The following PXDNL variants were observed in gnomAD, a reference collection of about 807,000 sequenced individuals.
The protein encoded by PXDNL is peroxidasin like, also known as probable oxidoreductase PXDNL.
A neutral mutation model predicts 150.8 loss-of-function variants in PXDNL; 145 were observed. That is an observed-to-expected ratio of 0.96 (90% CI 0.84 to 1.10). The LOEUF is 1.10. PXDNL is among the 50% of genes least tolerant of loss of function. The pLI is 0.00. For synonymous variants in PXDNL, 757 were observed against 725.7 expected, an observed-to-expected ratio of 1.04 and a Z score of -0.69; for missense variants, 2,087 against 1,873.9, an observed-to-expected ratio of 1.11 and a Z score of -2.10.
chr8:51,394,282 A>G (rs1221804755), intron 17 of PXDNL, among the ~76,000 whole-genome samples: 1 of 152,238 alleles, frequency 6.6e-6, no homozygotes, highest in East Asian at 1.9e-4. Context: ...ACGCCAGCCA[A>G]ATATGAAGGA....
intron 2 of PXDNL, among the ~76,000 whole-genome samples, chr8:51,593,824 C>T (rs1383894541): frequency 6.6e-6 from 1 of 152,190 alleles, no homozygotes; most frequent in African/African-American, 2.4e-5. Flanking sequence ...AACCAATCTA[C>T]AGCTTGCATT....
Position 51,660,865 on chromosome 8 carries a change from C to T in PXDNL, c.165-6105G>A, listed in dbSNP as rs544729871. Among the ~76,000 whole-genome samples the T allele has an allele frequency of 3.7e-4, 56 of 152,264 alleles. 1 individual carries two copies. The South Asian group carries it at 0.012, about 32-fold the overall frequency. On this transcript the variant is annotated intron_variant, in intron 1 of 22. Transcript: ENST00000356297. ...ATCAGAGTGAGGGCAGACTCTACTC[C>T]CTGTAGCCAGGCCGTCAGTCACTCC...
chr8:51,568,450 T>C (rs1484743721), intron 3 of PXDNL, among the ~76,000 whole-genome samples: 1 of 151,920 alleles, frequency 6.6e-6, no homozygotes, highest in Non-Finnish European at 1.5e-5. Flanking sequence ...TTTGCTTACA[T>C]GTTTTCTGAG....
rs545741174 is a variant in PXDNL, at chr8:51,646,080, T to C, written c.236+8609A>G. ...TGAACTGTGTTCCCCGAAATGGGTA[T>C]GTTGATGCCCTAACCCCTCACGTGA... On this transcript the variant is annotated intron_variant, in intron 2 of 22. Transcript: ENST00000356297. 2.7e-5 allele frequency among the ~76,000 whole-genome samples: 4 copies of C among 150,346 alleles called. No homozygotes were observed. In the East Asian group the frequency reaches 7.8e-4, roughly 29 times the overall value.
rs975066852 is a variant in PXDNL at position 51,376,771 on chromosome 8, T to C, written c.3558-2040A>G. ...TCTTACTCTGTCCCCCAGGCTGGAG[T>C]GCAGTGGCAGGATCTCAGTTCACTG... On this transcript the variant is annotated intron_variant, in intron 17 of 22. Coordinates refer to ENST00000356297, the MANE Select transcript of PXDNL (RefSeq NM_144651.5). Among the ~76,000 whole-genome samples the C allele has an allele frequency of 2.0e-5, 3 of 151,500 alleles. No homozygotes were observed. The East Asian group carries it at 5.8e-4, about 29-fold the overall frequency.
intron 1 of PXDNL, among the ~76,000 whole-genome samples, chr8:51,783,351 G>A (rs995918139): frequency 2.0e-5 from 3 of 152,154 alleles, no homozygotes; most frequent in East Asian, 1.9e-4. Flanking sequence ...CTGCTGAGTC[G>A]AATAACACGT....
intron 1 of PXDNL, among the ~76,000 whole-genome samples, chr8:51,744,100 A>G (rs2036944011): frequency 1.5e-5 from 2 of 134,752 alleles, no homozygotes; most frequent in African/African-American, 5.7e-5. Context: ...GAAGGAAAGA[A>G]AGAAAGAAAG....
At chr8:51,799,382 G>T (rs2037595608) in intron 1 of PXDNL, among the ~76,000 whole-genome samples, 1 of 151,914 alleles carries the variant, frequency 6.6e-6, no homozygotes, top group Non-Finnish European at 1.5e-5. Context: ...CATGTATCCT[G>T]GAACTTAAAA....
chr8:51,629,805 GT>G (rs1814452671), intron 2 of PXDNL, among the ~76,000 whole-genome samples: 1 of 152,034 alleles, frequency 6.6e-6, no homozygotes, highest in South Asian at 2.1e-4. Context: ...GTCAACAAAA[GT>G]CTTTTATATC....
intron 2 of PXDNL, among the ~76,000 whole-genome samples, chr8:51,641,326 A>T (rs1354876915): frequency 2.7e-5 from 4 of 150,616 alleles, no homozygotes; most frequent in South Asian, 2.1e-4. Flanking sequence ...ACCAAAGGCA[A>T]TGGCAACAAA....
intron 21 of PXDNL, among the ~76,000 whole-genome samples, chr8:51,326,359 G>A (rs755780181): frequency 5.9e-5 from 9 of 152,084 alleles, no homozygotes; most frequent in South Asian, 2.1e-4. Flanking sequence ...TTAGCCAAGC[G>A]TGGTGGCAGG....
At chr8:51,456,587 A>G (rs1027321100) in intron 9 of PXDNL, among the ~76,000 whole-genome samples, 2 of 152,174 alleles carry the variant, frequency 1.3e-5, no homozygotes, top group Non-Finnish European at 2.9e-5. Context: ...AATCAAATAA[A>G]TTTTATTAGC....
intron 4 of PXDNL, among the ~76,000 whole-genome samples, chr8:51,514,874 C>A (rs16916441): frequency 0.02 from 2,977 of 152,298 alleles, 92 homozygotes; most frequent in African/African-American, 0.067. Context: ...AGCCAATGTC[C>A]TTTTCATCCC....
chr8:51,322,824 G>C (rs990489720), intron 21 of PXDNL, among the ~76,000 whole-genome samples: 1 of 152,186 alleles, frequency 6.6e-6, no homozygotes, highest in African/African-American at 2.4e-5. Context: ...GTTCTTGGAA[G>C]ATAATTTAGC....
intron 3 of PXDNL, among the ~76,000 whole-genome samples, chr8:51,557,731 C>T (rs4364622): frequency 0.28 from 42,408 of 151,826 alleles, 7,464 homozygotes; most frequent in African/African-American, 0.49. Context: ...CCTACTCAAT[C>T]GGACTCTCTC....
intron 1 of PXDNL, among the ~76,000 whole-genome samples, chr8:51,727,276 A>T (rs1383192525): frequency 6.6e-6 from 1 of 152,204 alleles, no homozygotes; most frequent in Non-Finnish European, 1.5e-5. Context: ...TTTGCTTTTA[A>T]TCTATAGTAT....
intron 13 of PXDNL, among the ~76,000 whole-genome samples, chr8:51,425,677 C>T (rs978638826): frequency 6.6e-6 from 1 of 151,840 alleles, no homozygotes; most frequent in Non-Finnish European, 1.5e-5. Flanking sequence ...AAAACTTAGT[C>T]GGGCGTGGTG....
chr8:51,492,376 T>A (rs1810915414), intron 5 of PXDNL, among the ~76,000 whole-genome samples: 1 of 152,064 alleles, frequency 6.6e-6, no homozygotes, highest in Non-Finnish European at 1.5e-5. Flanking sequence ...GACAGGTGAT[T>A]TCTGCATTTC....
At chr8:51,594,131 A>T (rs1813510436) in intron 2 of PXDNL, among the ~76,000 whole-genome samples, 1 of 152,208 alleles carries the variant, frequency 6.6e-6, no homozygotes, top group Non-Finnish European at 1.5e-5. Context: ...TGTCCACCTT[A>T]GTCTATTAAA....
Sources: gnomAD v4.1 joint callset for allele counts (sites outside exome capture counted in the v4.1 genomes callset) on GRCh38, gnomAD v4.1.1 for gene constraint, MANE v1.5 for transcripts, NCBI Gene and HGNC (gene_info 2026-07-23, HGNC 2026-07-21) for gene names.